The following WHR1 variants were observed in gnomAD, a reference collection of about 807,000 sequenced individuals.
The protein encoded by WHR1 is winged helix repair factor 1.
the WHR1 span, chr6:31,972,871 C>G: frequency 1.1e-4 from 162 of 1,531,780 alleles, no homozygotes; most frequent in Admixed American, 4.7e-4. The surrounding 1 kb of genome is among the most constrained non-coding windows in gnomAD (Gnocchi z 6.3). Flanking sequence ...GGCGAGGGCA[C>G]TGTGCCAGGC....
At chr6:31,980,205 G>C in the WHR1 span, 2 of 508,462 alleles carry the variant, frequency 3.9e-6, no homozygotes, top group Non-Finnish European at 7.0e-6. Context: ...AACTGAACCA[G>C]TAATAGTAGC....
chr6:31,973,409 G>A, the WHR1 span: 2 of 177,800 alleles, frequency 1.1e-5, no homozygotes, highest in African/African-American at 2.4e-5. Flanking sequence ...GAGTTGGAGA[G>A]AATTCTGGGC....
At chr6:31,971,994 A>G in the WHR1 span, 12 of 1,597,732 alleles carry the variant, frequency 7.5e-6, no homozygotes, top group Non-Finnish European at 1.0e-5. This position sits in a 1 kb window ranked among gnomAD's most constrained non-coding sequence, Gnocchi z 4.5. Context: ...CAGAGGCCGA[A>G]GGATGCAAAA....
At chr6:31,979,574 C>A in the WHR1 span, 1 of 1,611,206 alleles carries the variant, frequency 6.2e-7, no homozygotes. Context: ...TGGAACCAAC[C>A]AAAGTCAGGC....
the WHR1 span, chr6:31,973,024 C>T: frequency 1.4e-6 from 1 of 693,902 alleles, no homozygotes; most frequent in South Asian, 1.5e-5. Context: ...TGCAGTCAGA[C>T]GTCAGATCAT....
chr6:31,971,443 G>A, the WHR1 span: 1 of 1,613,620 alleles, frequency 6.2e-7, no homozygotes, highest in Non-Finnish European at 8.5e-7. The surrounding 1 kb of genome is among the most constrained non-coding windows in gnomAD (Gnocchi z 4.5). Context: ...GTTGGGGCCT[G>A]GACCGTTAGT....
At chr6:31,972,619 A>T in the WHR1 span, 1 of 1,607,660 alleles carries the variant, frequency 6.2e-7, no homozygotes, top group East Asian at 2.2e-5. The surrounding 1 kb of genome is among the most constrained non-coding windows in gnomAD (Gnocchi z 6.3). Context: ...TTATCTGCCC[A>T]GGGTCGGCGC....
the WHR1 span, chr6:31,972,369 C>T: frequency 6.2e-7 from 1 of 1,612,960 alleles, no homozygotes; most frequent in East Asian, 2.2e-5. This position sits in a 1 kb window ranked among gnomAD's most constrained non-coding sequence, Gnocchi z 6.3. Flanking sequence ...GGTTCTCTTC[C>T]CTCCATTCCT....
At chr6:31,972,774 C>G in the WHR1 span, 35 of 1,608,400 alleles carry the variant, frequency 2.2e-5, 1 homozygote, top group South Asian at 3.6e-4. The surrounding 1 kb of genome is among the most constrained non-coding windows in gnomAD (Gnocchi z 6.3). Context: ...GGCGTCGGTG[C>G]GACCGCCGGA....
the WHR1 span, chr6:31,980,897 G>A: frequency 9.4e-7 from 1 of 1,058,426 alleles, no homozygotes; most frequent in Non-Finnish European, 1.3e-6. Context: ...AAGGCCAGTG[G>A]CTCTCATTCT....
chr6:31,979,663 C>T, the WHR1 span: 1 of 1,438,162 alleles, frequency 7.0e-7, no homozygotes, highest in Non-Finnish European at 9.4e-7. Context: ...AGAAAAGCTG[C>T]CAAAAAGCTG....
chr6:31,972,496 C>T, the WHR1 span: 2 of 1,610,492 alleles, frequency 1.2e-6, no homozygotes, highest in Non-Finnish European at 8.5e-7. This position sits in a 1 kb window ranked among gnomAD's most constrained non-coding sequence, Gnocchi z 6.3. Flanking sequence ...GTCGGATCCT[C>T]TTCGGGGTGA....
chr6:31,979,524 G>C, the WHR1 span: 2 of 1,612,932 alleles, frequency 1.2e-6, no homozygotes. Context: ...AAATGACACA[G>C]ACCTTTGGCT....
chr6:31,973,352 TGCATGTGGA>T, the WHR1 span: 2 of 230,960 alleles, frequency 8.7e-6, no homozygotes, highest in Non-Finnish European at 1.8e-5. Context: ...GAGTTGATGG[TGCATGTGGA>T]GCATCCAAAG....
the WHR1 span, among the ~76,000 whole-genome samples, chr6:31,976,267 C>A: frequency 1.3e-4 from 20 of 150,796 alleles, no homozygotes; most frequent in Middle Eastern, 3.5e-3. Flanking sequence ...GGGGGCTGAC[C>A]CCCCCACCTC....
At chr6:31,980,470 G>C in the WHR1 span, 27 of 1,612,954 alleles carry the variant, frequency 1.7e-5, no homozygotes, top group Non-Finnish European at 2.3e-5. Flanking sequence ...GAATGCTGGA[G>C]TCCTCACCGT....
At chr6:31,975,477 A>G in the WHR1 span, among the ~76,000 whole-genome samples, 1 of 149,810 alleles carries the variant, frequency 6.7e-6, no homozygotes, top group African/African-American at 2.5e-5. Context: ...CTGGGATTAC[A>G]GGCATGATCC....
chr6:31,976,720 C>T, the WHR1 span, among the ~76,000 whole-genome samples: 4 of 152,204 alleles, frequency 2.6e-5, no homozygotes, highest in Non-Finnish European at 5.9e-5. Flanking sequence ...TGTAGCAAGC[C>T]GAGATCCCGC....
chr6:31,976,679 A>G, the WHR1 span, among the ~76,000 whole-genome samples: 1 of 152,196 alleles, frequency 6.6e-6, no homozygotes, highest in Admixed American at 6.5e-5. Context: ...GCACTTTGGG[A>G]GGCCAAGGCA....
Sources: allele counts gnomAD v4.1 joint callset (sites outside exome capture counted in the v4.1 genomes callset), GRCh38; gene constraint gnomAD v4.1.1; non-coding constraint Gnocchi (gnomAD v3.1); transcripts MANE v1.5; gene names NCBI Gene and HGNC (gene_info 2026-07-23, HGNC 2026-07-21).